Variants in FAT3 observed in about 807,000 individuals in gnomAD.
The protein encoded by FAT3 is protocadherin Fat 3.
In FAT3, 95 loss-of-function variants were observed where a neutral mutation model predicts 310.2. The observed-to-expected ratio is 0.31, with a 90% CI of 0.26 to 0.36. The LOEUF (loss-of-function observed/expected upper bound fraction) is 0.36, where lower values mean the gene tolerates loss of function less well. FAT3 is among the 10% of genes least tolerant of loss of function. The pLI, the probability that FAT3 is intolerant of heterozygous loss-of-function variation, is 1.00. For missense variants in FAT3, 5,408 were observed against 5,715.6 expected (o/e 0.95, Z 1.74); for synonymous variants, 2,314 against 2,192.9 (o/e 1.06, Z -1.54).
intron 2 of FAT3, among the ~76,000 whole-genome samples, chr11:92,365,782 G>A (rs1672912171): frequency 6.6e-6 from 1 of 152,134 alleles, no homozygotes; most frequent in Non-Finnish European, 1.5e-5. Context: ...ATACACAGCA[G>A]GAGGCACTCC....
chr11:92,420,954 G>A (rs952831577), intron 2 of FAT3, among the ~76,000 whole-genome samples: 1 of 152,052 alleles, frequency 6.6e-6, no homozygotes, highest in African/African-American at 2.4e-5. Flanking sequence ...GGTATTTTTA[G>A]CAGGGCTCAT....
At chr11:92,449,345 G>A (rs1482017961) in intron 2 of FAT3, among the ~76,000 whole-genome samples, 3 of 152,140 alleles carry the variant, frequency 2.0e-5, no homozygotes, top group African/African-American at 7.2e-5. Flanking sequence ...ACACAGAAGT[G>A]GAAACTTCCT....
chr11:92,402,077 G>T (rs2134870375), intron 2 of FAT3, among the ~76,000 whole-genome samples: 1 of 152,218 alleles, frequency 6.6e-6, no homozygotes, highest in Non-Finnish European at 1.5e-5. Context: ...ATTTGTTAAA[G>T]GTTCTAATGG....
chr11:92,353,203 T>C lies in FAT3; in HGVS notation c.1091T>C (p.Ile364Thr), dbSNP rs761824915. The C allele has an allele frequency of 1.9e-6, 3 of 1,613,790 alleles. No individual in the cohort carries two copies. Among genetic ancestry groups the C allele is most frequent in the Non-Finnish European group, 2.5e-6 (3 of 1,179,870 alleles). ...QKCSALKAVY[I>T]GNPTRDTVPI... ...TGTTCAGCATTAAAGGCAGTCTACA[T>C]TGGCAACCCCACAAGAGACACTGTC... is the stretch of plus-strand genomic sequence containing the variant. Residue 364 changes from isoleucine (I) to threonine (T), a missense_variant, in exon 2 of 28, where the codon ATT becomes ACT. This residue lies in a region of FAT3 where 4,588 missense variants were observed against 4,809.8 expected (regional missense o/e 0.95). Coordinates refer to ENST00000525166, the MANE Select transcript of FAT3 (RefSeq NM_001367949.2).
At chr11:92,744,819 A>G (rs1343541941) in intron 4 of FAT3, among the ~76,000 whole-genome samples, 1 of 152,208 alleles carries the variant, frequency 6.6e-6, no homozygotes, top group Non-Finnish European at 1.5e-5. Flanking sequence ...CCAGTTCATG[A>G]TCTCTACCTT....
At chr11:92,581,766 A>G (rs1393290540) in intron 3 of FAT3, among the ~76,000 whole-genome samples, 2 of 152,040 alleles carry the variant, frequency 1.3e-5, no homozygotes, top group African/African-American at 4.8e-5. Context: ...ATATTGATAT[A>G]TGCCAGGCAT....
At chr11:92,265,181 T>G (rs1389461124) in intron 1 of FAT3, among the ~76,000 whole-genome samples, 1 of 151,976 alleles carries the variant, frequency 6.6e-6, no homozygotes, top group Non-Finnish European at 1.5e-5. Flanking sequence ...ACTTATTTTT[T>G]AGTGACCTGG....
At position 92,765,102 on chromosome 11, in the gene FAT3, C is replaced by A. The variant is rs369899178; in HGVS notation, c.4195+13C>A. The A allele has an allele frequency of 3.1e-6, 5 of 1,602,158 alleles. No individual in the cohort carries two copies. In the African/African-American group the frequency reaches 6.8e-5, roughly 22 times the overall value. On this transcript the variant is annotated intron_variant, in intron 6 of 27. Coordinates refer to ENST00000525166, the MANE Select transcript of FAT3 (RefSeq NM_001367949.2). ...TTTGACATAGTTGGTAAGTTCGAGTCTTACAGAGCAGTATCATGCAATGTA... is the reference window on the plus strand; with the variant it reads ...TTTGACATAGTTGGTAAGTTCGAGTATTACAGAGCAGTATCATGCAATGTA...
chr11:92,234,412 G>C (rs982408358), intron 1 of FAT3, among the ~76,000 whole-genome samples: 6 of 152,186 alleles, frequency 3.9e-5, no homozygotes, highest in Admixed American at 3.9e-4. Flanking sequence ...GATGGAACTA[G>C]AATGAGAAAA....
At chr11:92,462,926 A>G (rs974698893) in intron 2 of FAT3, among the ~76,000 whole-genome samples, 1 of 152,176 alleles carries the variant, frequency 6.6e-6, no homozygotes, top group Non-Finnish European at 1.5e-5. Context: ...TCTGTTGCCC[A>G]TTGGCATTTT....
intron 1 of FAT3, among the ~76,000 whole-genome samples, chr11:92,229,514 G>GTTTTTTTTTTTTTTTTTTTTTTTTTTTTT (rs1241053262): frequency 1.7e-5 from 1 of 59,308 alleles, no homozygotes; most frequent in African/African-American, 6.2e-5. Context: ...TTTGTTTTTT[G>GTTTTTTTTTTTTTTTTTTTTTTTTTTTTT]TTTTTTTTTA....
chr11:92,353,793 G>T lies in FAT3; in HGVS notation c.1681G>T (p.Glu561Ter). The stretch of plus-strand genomic sequence containing the variant: ...GGGTTCACCATACCGCCATGAAAGT[G>T]AGGTCAATGTGACTATTCGAATAGG... ...DWGSPYRHES[E>*]VNVTIRIGNV... The change falls in exon 2 of 28, where the codon GAG (glutamate) becomes TAG (stop). Residue 561 changes from glutamate to a stop codon, truncating the protein, a stop_gained. Coordinates refer to ENST00000525166, the MANE Select transcript of FAT3 (RefSeq NM_001367949.2). LOFTEE classifies it high-confidence loss of function. The T allele has an allele frequency of 2.5e-6, 4 of 1,613,466 alleles. No homozygotes were observed. Among genetic ancestry groups the T allele is most frequent in the Non-Finnish European group, 2.5e-6 (3 of 1,179,490 alleles).
intron 1 of FAT3, among the ~76,000 whole-genome samples, chr11:92,238,421 C>T (rs748277637): frequency 1.6e-4 from 24 of 152,046 alleles, no homozygotes; most frequent in Non-Finnish European, 2.5e-4. Context: ...CATAGGGAAT[C>T]GGAGGGGGCA....
intron 3 of FAT3, among the ~76,000 whole-genome samples, chr11:92,687,891 AGCATGCCTC>A: frequency 6.6e-6 from 1 of 152,196 alleles, no homozygotes; most frequent in Non-Finnish European, 1.5e-5. Context: ...AGGCATGCCT[AGCATGCCTC>A]AGATCTAAAG....
At position 92,482,162 on chromosome 11, in the gene FAT3, T is replaced by G. The variant is rs1006074995; in HGVS notation, c.3293-42472T>G. ...ATTCATTTTAATATAGTAAGAATGC[T>G]CTATACCATAAACCCTGCTTTTGTT... On this transcript the variant is annotated intron_variant, in intron 2 of 27. Coordinates refer to ENST00000525166, the MANE Select transcript of FAT3 (RefSeq NM_001367949.2). Among the ~76,000 whole-genome samples the G allele has an allele frequency of 3.3e-5, 5 of 152,302 alleles. No homozygotes were observed. The South Asian group carries it at 1.0e-3, about 32-fold the overall frequency.
At chr11:92,518,415 A>G (rs12800300) in intron 2 of FAT3, among the ~76,000 whole-genome samples, 1,778 of 152,254 alleles carry the variant, frequency 0.012, 18 homozygotes, top group Non-Finnish European at 0.019. Flanking sequence ...CACAGAACAG[A>G]AAACCAGACC....
chr11:92,267,205 TG>T (rs1250338460), intron 1 of FAT3, among the ~76,000 whole-genome samples: 1 of 152,060 alleles, frequency 6.6e-6, no homozygotes, highest in African/African-American at 2.4e-5. Context: ...CAGAAAAAAA[TG>T]GGGGCAAAGA....
intron 3 of FAT3, among the ~76,000 whole-genome samples, chr11:92,660,415 G>A (rs1028033648): frequency 2.0e-5 from 3 of 152,076 alleles, no homozygotes; most frequent in African/African-American, 7.2e-5. Flanking sequence ...GATGAAGGCT[G>A]GGGTAGGGGT....
Position 92,619,606 on chromosome 11 carries a change from C to G in FAT3, c.3608-77778C>G, listed in dbSNP as rs904556843. 1.1e-3 allele frequency among the ~76,000 whole-genome samples: 173 copies of G among 152,060 alleles called. 15 individuals carry two copies. The highest frequency in any genetic ancestry group is 3.4e-3 in the Middle Eastern group (1 of 294). ...CTGAGTCAAGTTTGGTATTTTCCTT[C>G]TAGGATTTTTTTCATTTTTTCTAAG... is the stretch of plus-strand genomic sequence containing the variant. On this transcript the variant is annotated intron_variant, in intron 3 of 27. Coordinates refer to ENST00000525166, the MANE Select transcript of FAT3 (RefSeq NM_001367949.2).
Sources: allele counts gnomAD v4.1 joint callset (sites outside exome capture counted in the v4.1 genomes callset), GRCh38; gene constraint gnomAD v4.1.1; regional missense constraint gnomAD v4.1.1; transcripts MANE v1.5; gene names NCBI Gene and HGNC (gene_info 2026-07-23, HGNC 2026-07-21).